CREB5: variants seen among roughly 807,000 people sequenced by gnomAD.
The protein encoded by CREB5 is cyclic AMP-responsive element-binding protein 5.
Under a neutral mutation model 57.1 loss-of-function variants are expected in CREB5, and 19 were observed. The observed-to-expected ratio is 0.33, with a 90% confidence interval of 0.23 to 0.49. The LOEUF (loss-of-function observed/expected upper bound fraction) is 0.49, where lower values mean the gene tolerates loss of function less well. CREB5 is among the 20% of genes least tolerant of loss of function. The pLI is 0.99. For synonymous variants in CREB5, 238 were observed against 238.3 expected (o/e 1.00, Z 0.01); for missense variants, 579 against 671.6 (o/e 0.86, Z 1.52).
At chr7:28,462,772 T>C (rs1790401236) in intron 1 of CREB5, among the ~76,000 whole-genome samples, 1 of 152,212 alleles carries the variant, frequency 6.6e-6, no homozygotes, top group Admixed American at 6.5e-5. Flanking sequence ...TTTGCTTTTT[T>C]ATTGTTTAGT....
intron 1 of CREB5, among the ~76,000 whole-genome samples, chr7:28,476,517 T>C (rs1179386025): frequency 3.0e-4 from 45 of 149,676 alleles, no homozygotes; most frequent in Non-Finnish European, 1.5e-5. Flanking sequence ...CTATAGTCTC[T>C]TTTTATAGGA....
intron 1 of CREB5, among the ~76,000 whole-genome samples, chr7:28,453,443 C>A (rs1397090853): frequency 6.6e-6 from 1 of 151,986 alleles, no homozygotes; most frequent in Non-Finnish European, 1.5e-5. Flanking sequence ...TGTCTCAAAA[C>A]AACAACAACA....
chr7:28,388,109 G>A (rs1787147314), intron 1 of CREB5, among the ~76,000 whole-genome samples: 1 of 152,310 alleles, frequency 6.6e-6, no homozygotes, highest in Middle Eastern at 3.4e-3. Context: ...GTTCCTAAGA[G>A]AGAATCTACA....
At chr7:28,447,906 T>C (rs933538814) in intron 1 of CREB5, among the ~76,000 whole-genome samples, 2 of 152,314 alleles carry the variant, frequency 1.3e-5, no homozygotes, top group Middle Eastern at 3.4e-3. Flanking sequence ...GAAACCACTT[T>C]AGTGAGAGGA....
intron 1 of CREB5, among the ~76,000 whole-genome samples, chr7:28,440,785 C>A (rs149158864): frequency 1.8e-4 from 27 of 152,076 alleles, no homozygotes; most frequent in African/African-American, 6.3e-4. Flanking sequence ...AGGGTTTGAA[C>A]CTTGTCATCA....
intron 1 of CREB5, among the ~76,000 whole-genome samples, chr7:28,366,484 C>T (rs1786589553): frequency 6.6e-6 from 1 of 152,094 alleles, no homozygotes; most frequent in Non-Finnish European, 1.5e-5. Context: ...TAATCCTCTC[C>T]ATATTTTGTC....
intron 5 of CREB5, chr7:28,686,109 A>C (rs1343564229): frequency 6.2e-7 from 1 of 1,611,096 alleles, no homozygotes; most frequent in Non-Finnish European, 8.5e-7. Flanking sequence ...AAGCTAGTTA[A>C]GCTTTGGCTC....
Position 28,769,042 on chromosome 7 carries a change from C to T in CREB5, c.703-35157C>T, listed in dbSNP as rs144511142. ...AGTCCTTGAGTGTAAACTCATTCCT[C>T]TGGTACACTAAAGGAAACACATTTA... On this transcript the variant is annotated intron_variant, in intron 7 of 10. Coordinates refer to ENST00000357727, the MANE Select transcript of CREB5 (RefSeq NM_182898.4). 2.2e-3 allele frequency among the ~76,000 whole-genome samples: 339 copies of T among 152,346 alleles called. 2 individuals are homozygous for T. The highest frequency in any genetic ancestry group is 7.6e-3 in the African/African-American group (315 of 41,574).
intron 7 of CREB5, among the ~76,000 whole-genome samples, chr7:28,738,947 C>G (rs1804187460): frequency 6.6e-6 from 1 of 152,140 alleles, no homozygotes; most frequent in South Asian, 2.1e-4. Flanking sequence ...ACACCTGGTT[C>G]TCAGAGATAC....
intron 1 of CREB5, among the ~76,000 whole-genome samples, chr7:28,376,018 A>T (rs571335723): frequency 6.6e-6 from 1 of 152,218 alleles, no homozygotes; most frequent in Non-Finnish European, 1.5e-5. Context: ...TCCAGAGGCC[A>T]TCTTGTCTCC....
chr7:28,459,056 C>A (rs961442449), intron 1 of CREB5, among the ~76,000 whole-genome samples: 2 of 152,206 alleles, frequency 1.3e-5, no homozygotes, highest in African/African-American at 4.8e-5. Context: ...CCAAGACGAA[C>A]TGTAGCCGTC....
chr7:28,724,097 C>T (rs937950113), intron 6 of CREB5, 125 bp from the exon 7 acceptor site: 5 of 765,610 alleles, frequency 6.5e-6, no homozygotes, highest in Non-Finnish European at 1.0e-5. Flanking sequence ...CACACCAAAC[C>T]ATAGGCCTTC....
In CREB5 at chr7:28,658,171, A is replaced by G. The variant is rs924287072; in HGVS notation, c.465-60582A>G. On this transcript the variant is annotated intron_variant, in intron 5 of 10. Coordinates refer to ENST00000357727, the MANE Select transcript of CREB5 (RefSeq NM_182898.4). ...CATCAGGGATAATTATGGCTCTAGAAAAATGAGAGAAAGAGTTTTTAACTG... is the reference window on the plus strand; with the variant it reads ...CATCAGGGATAATTATGGCTCTAGAGAAATGAGAGAAAGAGTTTTTAACTG... Among the ~76,000 whole-genome samples, 11 of 152,340 alleles carry G rather than the reference A, an allele frequency of 7.2e-5. No homozygotes were observed. In the East Asian group the frequency reaches 2.1e-3, roughly 29 times the overall value.
intron 5 of CREB5, among the ~76,000 whole-genome samples, chr7:28,647,101 C>G (rs1387177004): frequency 6.6e-6 from 1 of 151,702 alleles, no homozygotes; most frequent in African/African-American, 2.4e-5. Context: ...CCGAATTAGC[C>G]AGAGACTGGA....
At chr7:28,472,825 A>G (rs1437780923) in intron 1 of CREB5, among the ~76,000 whole-genome samples, 1 of 152,120 alleles carries the variant, frequency 6.6e-6, no homozygotes, top group African/African-American at 2.4e-5. Flanking sequence ...AATCAATCTT[A>G]GCCCTGGTTG....
At chr7:28,364,986 A>G (rs1402031305) in intron 1 of CREB5, among the ~76,000 whole-genome samples, 5 of 152,018 alleles carry the variant, frequency 3.3e-5, no homozygotes, top group African/African-American at 1.2e-4. Context: ...TACTCCTGTT[A>G]TTATTCTTGG....
intron 6 of CREB5, among the ~76,000 whole-genome samples, chr7:28,721,666 T>A (rs1347850393): frequency 6.6e-6 from 1 of 152,248 alleles, no homozygotes; most frequent in African/African-American, 2.4e-5. Context: ...ATTCATTTAC[T>A]CATTCATCCA....
intron 4 of CREB5, among the ~76,000 whole-genome samples, chr7:28,553,558 A>T (rs549550602): frequency 1.3e-4 from 20 of 152,312 alleles, no homozygotes; most frequent in Admixed American, 3.9e-4. Flanking sequence ...AGTGTGACAC[A>T]ATCTGTATAT....
chr7:28,312,152 T>G (rs1293035149), intron 1 of CREB5, among the ~76,000 whole-genome samples: 3 of 151,822 alleles, frequency 2.0e-5, no homozygotes, highest in Non-Finnish European at 4.4e-5. Flanking sequence ...CATTTTAATT[T>G]CATTTCATTT....
Sources: allele counts gnomAD v4.1 joint callset (sites outside exome capture counted in the v4.1 genomes callset), GRCh38; gene constraint gnomAD v4.1.1; transcripts MANE v1.5; gene names NCBI Gene and HGNC (gene_info 2026-07-23, HGNC 2026-07-21).